The following SUPT3H variants were observed in gnomAD, a reference collection of about 807,000 sequenced individuals.
SUPT3H encodes the protein transcription initiation protein SPT3 homolog.
SUPT3H carries 44 observed loss-of-function variants against 44.3 expected under a neutral mutation model. The ratio of observed to expected loss-of-function variants is 0.99; its 90% confidence interval spans 0.78 to 1.28. The LOEUF (loss-of-function observed/expected upper bound fraction) is 1.28. Ranked by LOEUF, SUPT3H falls within the 50% of genes most tolerant of loss-of-function variation. The pLI, the probability that SUPT3H is intolerant of heterozygous loss-of-function variation, is 0.00. For synonymous variants in SUPT3H, 124 were observed against 125.6 expected, an observed-to-expected ratio of 0.99 and a Z score of 0.09; for missense variants, 380 against 387.1, an observed-to-expected ratio of 0.98 and a Z score of 0.15.
chr6:45,060,178 T>G (rs1036316764), intron 3 of SUPT3H, among the ~76,000 whole-genome samples: 2 of 151,998 alleles, frequency 1.3e-5, no homozygotes, highest in African/African-American at 4.8e-5. Context: ...GAAGGCATCA[T>G]GCTACCTGAC....
At chr6:45,289,424 T>A (rs1190655315) in intron 2 of SUPT3H, among the ~76,000 whole-genome samples, 1 of 152,168 alleles carries the variant, frequency 6.6e-6, no homozygotes, top group African/African-American at 2.4e-5. Flanking sequence ...CCATCCACCT[T>A]TCTTTTATCA....
intron 10 of SUPT3H, among the ~76,000 whole-genome samples, chr6:44,924,316 AAAAT>A (rs1562055632): frequency 6.6e-6 from 1 of 152,118 alleles, no homozygotes. Flanking sequence ...AAAATATACA[AAAAT>A]AAAGTGGACA....
intron 2 of SUPT3H, among the ~76,000 whole-genome samples, chr6:45,307,979 G>A (rs947894006): frequency 1.1e-4 from 17 of 152,206 alleles, no homozygotes; most frequent in South Asian, 2.1e-4. Flanking sequence ...TTCAGTAGCC[G>A]ATTTGATCAA....
At chr6:44,893,511 G>A (rs985352790) in intron 10 of SUPT3H, among the ~76,000 whole-genome samples, 3 of 152,120 alleles carry the variant, frequency 2.0e-5, no homozygotes, top group South Asian at 2.1e-4. Flanking sequence ...TGAGAATAAT[G>A]ATTTCCAATT....
chr6:45,060,561 A>T (rs1036566304), intron 3 of SUPT3H, among the ~76,000 whole-genome samples: 1 of 152,164 alleles, frequency 6.6e-6, no homozygotes, highest in Non-Finnish European at 1.5e-5. Flanking sequence ...AACCACCAAA[A>T]GCAGCTTCAA....
chr6:45,106,973 T>C (rs1799377795), intron 2 of SUPT3H, among the ~76,000 whole-genome samples: 1 of 152,188 alleles, frequency 6.6e-6, no homozygotes, highest in East Asian at 1.9e-4. Context: ...GGTATAAAAG[T>C]GTATGATGTA....
chr6:45,314,008 AT>A (rs1784354000), intron 2 of SUPT3H, among the ~76,000 whole-genome samples: 1 of 152,322 alleles, frequency 6.6e-6, no homozygotes, highest in Middle Eastern at 3.4e-3. Flanking sequence ...CAATAAATAT[AT>A]TTCACCACAT....
chr6:45,292,988 T>C (rs1039876029), intron 2 of SUPT3H, among the ~76,000 whole-genome samples: 1 of 151,914 alleles, frequency 6.6e-6, no homozygotes, highest in Admixed American at 6.6e-5. Flanking sequence ...CAAATGAACT[T>C]AGCAGATATA....
chr6:44,868,945 C>T (rs1352198696), intron 10 of SUPT3H, among the ~76,000 whole-genome samples: 1 of 152,224 alleles, frequency 6.6e-6, no homozygotes, highest in East Asian at 1.9e-4. Context: ...CTGCCTACTG[C>T]TGACCCTGGC....
chr6:44,826,285 T>C (rs1350608543), downstream of SUPT3H, among the ~76,000 whole-genome samples: 1 of 152,048 alleles, frequency 6.6e-6, no homozygotes, highest in Non-Finnish European at 1.5e-5. Flanking sequence ...ACTGCTAGAG[T>C]TCCCTGCTCT....
chr6:45,157,645 T>C (rs1470908166), intron 2 of SUPT3H, among the ~76,000 whole-genome samples: 6 of 151,800 alleles, frequency 4.0e-5, no homozygotes, highest in African/African-American at 7.3e-5. Flanking sequence ...AGCTCCCGGG[T>C]TGAAGCTATT....
intron 2 of SUPT3H, among the ~76,000 whole-genome samples, chr6:45,182,123 C>T (rs1027407032): frequency 2.6e-5 from 4 of 152,024 alleles, no homozygotes; most frequent in African/African-American, 9.7e-5. Flanking sequence ...AAAAGCTATT[C>T]ATAATAGAAG....
At chr6:45,071,974 T>C (rs1234516187) in intron 3 of SUPT3H, among the ~76,000 whole-genome samples, 1 of 152,196 alleles carries the variant, frequency 6.6e-6, no homozygotes, top group African/African-American at 2.4e-5. Flanking sequence ...TGCCCTGTCA[T>C]TGAGTTCCTA....
At chr6:45,170,658 T>C (rs560727642) in intron 2 of SUPT3H, among the ~76,000 whole-genome samples, 289 of 152,274 alleles carry the variant, frequency 1.9e-3, no homozygotes, top group African/African-American at 6.8e-3. Flanking sequence ...TTTTTCTTTT[T>C]ATTTAAAATT....
At chr6:44,876,836 GAAA>G (rs200454659) in intron 10 of SUPT3H, among the ~76,000 whole-genome samples, 3 of 92,238 alleles carry the variant, frequency 3.3e-5, no homozygotes, top group African/African-American at 1.4e-4. Flanking sequence ...ATCTTCAATT[GAAA>G]AAAAAAAAAA....
In SUPT3H at chr6:45,170,614, T is replaced by A. The variant is rs557329469; in HGVS notation, c.102-64608A>T. 3.3e-5 allele frequency among the ~76,000 whole-genome samples: 5 copies of A among 152,342 alleles called. No individual in the cohort carries two copies. The South Asian group carries it at 1.0e-3, about 32-fold the overall frequency. On this transcript the variant is annotated intron_variant, in intron 2 of 10. Transcript: ENST00000371459. ...TTATCATCACTGAAATAAAAATGAC[T>A]ACCAAGGGTGTTTAGGTTCATTTTC...
chr6:45,207,865 C>T (rs183302740), intron 2 of SUPT3H, among the ~76,000 whole-genome samples: 2 of 152,286 alleles, frequency 1.3e-5, no homozygotes, highest in East Asian at 1.9e-4. Context: ...CAAGATGCAA[C>T]AAAATTGGAA....
chr6:45,283,233 C>A (rs930779947), intron 2 of SUPT3H, among the ~76,000 whole-genome samples: 1 of 152,070 alleles, frequency 6.6e-6, no homozygotes, highest in African/African-American at 2.4e-5. Context: ...TCACACATAA[C>A]AATATTAACC....
At chr6:45,165,475 G>A (rs1356783263) in intron 2 of SUPT3H, among the ~76,000 whole-genome samples, 2 of 151,716 alleles carry the variant, frequency 1.3e-5, no homozygotes, top group African/African-American at 2.4e-5. Flanking sequence ...ATTATGAAAC[G>A]CAAAAATACA....
Sources: allele counts gnomAD v4.1 joint callset (sites outside exome capture counted in the v4.1 genomes callset), GRCh38; gene constraint gnomAD v4.1.1; transcripts MANE v1.5; gene names NCBI Gene and HGNC (gene_info 2026-07-23, HGNC 2026-07-21).